Variants in ZFYVE26 observed in about 807,000 individuals in gnomAD.
ZFYVE26 encodes the protein zinc finger FYVE-type containing 26.
A neutral mutation model predicts 276.5 loss-of-function variants in ZFYVE26; 181 were observed. The observed-to-expected ratio is 0.65, with a 90% CI of 0.58 to 0.74. The LOEUF (loss-of-function observed/expected upper bound fraction) is 0.74, where lower values mean the gene tolerates loss of function less well. ZFYVE26 is among the 30% of genes least tolerant of loss of function. The pLI is 0.00. For synonymous variants in ZFYVE26, 1,129 were observed against 1,203.1 expected (o/e 0.94, Z 1.27); for missense variants, 2,821 against 3,097.9 (o/e 0.91, Z 2.12).
intron 13 of ZFYVE26, chr14:67,734,039 G>C (rs2038321400): frequency 3.8e-6 from 2 of 525,966 alleles, no homozygotes; most frequent in Non-Finnish European, 7.2e-6. Flanking sequence ...TATGGCATGA[G>C]TTGTGGACAC....
intron 13 of ZFYVE26, chr14:67,735,205 C>G (rs2038337742): frequency 1.4e-6 from 2 of 1,456,064 alleles, no homozygotes; most frequent in Admixed American, 1.7e-5. Context: ...ATTCCAGACT[C>G]CATCATTTCT....
chr14:67,760,682 C>T (rs1461561279), intron 35 of ZFYVE26: 1 of 160,108 alleles, frequency 6.2e-6, no homozygotes, highest in Non-Finnish European at 1.4e-5. Context: ...GAGCTGTGAT[C>T]ATGCCACTGC....
In ZFYVE26 at chr14:67,807,421, G is replaced by T. The variant is rs369243775; in HGVS notation, c.863C>A (p.Pro288Gln). The change falls in exon 5 of 42, where the codon CCG becomes CAG. Residue 288 changes from proline to glutamine, a missense_variant. Physicochemically the swap from Pro to Gln is moderately conservative, Grantham distance 76 (BLOSUM62 -1). Coordinates refer to ENST00000347230, the MANE Select transcript of ZFYVE26 (RefSeq NM_015346.4). ...ACCTTTTCCCGAGGCTGTAGCCCTC[G>T]GTGGCTTTTCTGTGACCTTCTCTGC... is the stretch of plus-strand genomic sequence containing the variant. ...TYAEKVTEKP[P>Q]RATASGKVSP... 1.2e-6 allele frequency: 2 copies of T among 1,614,038 alleles called. No homozygotes were observed. The highest frequency in any genetic ancestry group is 1.7e-6 in the Non-Finnish European group (2 of 1,180,030).
intron 10 of ZFYVE26, among the ~76,000 whole-genome samples, chr14:67,801,467 A>G (rs2040077282): frequency 6.6e-6 from 1 of 152,196 alleles, no homozygotes; most frequent in African/African-American, 2.4e-5. Context: ...GAAATCCTTA[A>G]TAGGCAAAAA....
intron 8 of ZFYVE26, among the ~76,000 whole-genome samples, chr14:67,804,875 G>A (rs530988217): frequency 8.5e-5 from 13 of 152,266 alleles, no homozygotes; most frequent in Middle Eastern, 3.4e-3. Context: ...GATAATATTG[G>A]TATCTACCCA....
chr14:67,775,442 G>A (rs1207940545), intron 26 of ZFYVE26, among the ~76,000 whole-genome samples: 1 of 152,174 alleles, frequency 6.6e-6, no homozygotes, highest in Non-Finnish European at 1.5e-5. Flanking sequence ...AGCTGGCTGG[G>A]AACATCAGTC....
intron 13 of ZFYVE26, among the ~76,000 whole-genome samples, chr14:67,738,359 ATATACT>A (rs35686221): frequency 0.075 from 11,069 of 148,272 alleles, 1,278 homozygotes; most frequent in African/African-American, 0.25. Context: ...ATATATACTA[ATATACT>A]TATAAATATA....
chr14:67,772,016 G>A (rs1319512464), intron 28 of ZFYVE26, 31 bp downstream of exon 28: 19 of 1,607,218 alleles, frequency 1.2e-5, no homozygotes, highest in Non-Finnish European at 1.5e-5. Context: ...ACCTTCTCCT[G>A]AGGGTGACAG....
rs751183425 is a variant in ZFYVE26 at position 67,766,358 on chromosome 14, C to T, written c.5880G>A (p.Arg1960=). The T allele has an allele frequency of 1.2e-6, 2 of 1,613,158 alleles. No homozygotes were observed. Among genetic ancestry groups the T allele is most frequent in the East Asian group, 2.2e-5 (1 of 44,882 alleles). The change falls in exon 32 of 42, where the codon AGG becomes AGA. Residue 1960 remains arginine, a synonymous_variant. Transcript: ENST00000347230. ...CGHQLIEHCC[R]LSKGLTNPEV... is the part of the protein sequence containing the mutation. ...CTGGGTTGGTGAGGCCCTTGGAGAG[C>T]CTGCAGCAGTGCTCAATCAGCTGGT...
intron 12 of ZFYVE26, among the ~76,000 whole-genome samples, chr14:67,795,182 T>C (rs1566891203): frequency 6.6e-6 from 1 of 152,226 alleles, no homozygotes; most frequent in Non-Finnish European, 1.5e-5. Context: ...GGAACAGCCG[T>C]AGAAGAGATG....
downstream of ZFYVE26, chr14:67,746,429 A>G (rs1408639605): frequency 2.6e-5 from 3 of 114,024 alleles, no homozygotes; most frequent in Admixed American, 1.0e-4. Context: ...ATTGAAGGCC[A>G]TCTGATCTTC....
rs139273817 is a variant in ZFYVE26 at position 67,792,644 on chromosome 14, G to T, written c.2553+964C>A. 1.9e-4 allele frequency among the ~76,000 whole-genome samples: 29 copies of T among 152,282 alleles called. No homozygotes were observed. The East Asian group carries it at 5.0e-3, about 26-fold the overall frequency. On this transcript the variant is annotated intron_variant, in intron 14 of 41. Transcript: ENST00000347230. ...TTTATAATTGAGACTGGGCGCAATG[G>T]CTCATGCCTGTAATCCCAGCATTTT...
chr14:67,795,710 C>A (rs754295208), intron 12 of ZFYVE26, among the ~76,000 whole-genome samples: 4 of 151,978 alleles, frequency 2.6e-5, no homozygotes, highest in Non-Finnish European at 5.9e-5. Context: ...CTGCATAATG[C>A]GCCTATATTA....
At chr14:67,797,891 G>A in intron 11 of ZFYVE26, 123 bp downstream of exon 11, 1 of 1,581,660 alleles carries the variant, frequency 6.3e-7, no homozygotes, top group Non-Finnish European at 8.6e-7. Context: ...GACACTGGTT[G>A]CCATGGTGAC....
In ZFYVE26 at chr14:67,762,298, G is replaced by A. The variant is rs1456954767; in HGVS notation, c.6274C>T (p.Pro2092Ser). ...TTCAGCTGATTGAGGTCAAATGGGGGCTTCAGACAGCGACTGAACTTCTCC... is the reference window on the plus strand; with the variant it reads ...TTCAGCTGATTGAGGTCAAATGGGGACTTCAGACAGCGACTGAACTTCTCC... ...AREKFSRCLK[P>S]PFDLNQLNHG... Residue 2092 changes from proline (P) to serine (S), a missense_variant, in exon 34 of 42, where the codon CCC (proline) becomes TCC (serine). Transcript: ENST00000347230. 7 of 1,614,184 alleles carry A rather than the reference G, an allele frequency of 4.3e-6. No homozygotes were observed. Among genetic ancestry groups the A allele is most frequent in the Non-Finnish European group, 5.1e-6 (6 of 1,180,032 alleles).
At chr14:67,777,343 G>A (rs1204105155) in intron 25 of ZFYVE26, among the ~76,000 whole-genome samples, 1 of 152,218 alleles carries the variant, frequency 6.6e-6, no homozygotes, top group Non-Finnish European at 1.5e-5. Context: ...CAAGTCCTAG[G>A]AGACTCAACT....
At position 67,754,094 on chromosome 14, in the gene ZFYVE26, T is replaced by C. The variant is rs2140183025; in HGVS notation, c.7105A>G (p.Met2369Val). 6.2e-6 allele frequency: 10 copies of C among 1,614,204 alleles called. No homozygotes were observed. The highest frequency in any genetic ancestry group is 8.5e-6 in the Non-Finnish European group (10 of 1,180,018). The stretch of plus-strand genomic sequence containing the variant: ...ACCTTGCAGGCAACATCCATTTTCA[T>C]GTGGTTATTTCCAAACAGGGTTGGC... The part of the protein sequence containing the change: ...PLPTLFGNNH[M>V]KMDVACKVML... Residue 2369 changes from methionine (M) to valine (V), a missense_variant, in exon 38 of 42, where the codon ATG (methionine) becomes GTG (valine). Physicochemically the swap from Met to Val is conservative, Grantham distance 21 (BLOSUM62 1). Coordinates refer to ENST00000347230, the MANE Select transcript of ZFYVE26 (RefSeq NM_015346.4).
In ZFYVE26 at chr14:67,798,367, C is replaced by A. The variant is rs367642159; in HGVS notation, c.1895G>T (p.Arg632Leu). Residue 632 changes from arginine to leucine, a missense_variant, in exon 11 of 42, where the codon CGG becomes CTG. Coordinates refer to ENST00000347230, the MANE Select transcript of ZFYVE26 (RefSeq NM_015346.4). ...HIAHPERKSERGSLGVPKTLA... is the reference protein window; with the variant it reads ...HIAHPERKSELGSLGVPKTLA... ...GGTCTTTGGGACTCCCAGGGAACCC[C>A]GTTCTGACTTCCTTTCAGGATGTGC... 1.2e-6 allele frequency: 2 copies of A among 1,609,664 alleles called. No homozygotes were observed. Among genetic ancestry groups the A allele is most frequent in the Non-Finnish European group, 1.7e-6 (2 of 1,177,394 alleles).
At chr14:67,771,080 A>G (rs188704296) in intron 28 of ZFYVE26, among the ~76,000 whole-genome samples, 3 of 152,242 alleles carry the variant, frequency 2.0e-5, no homozygotes, top group Admixed American at 2.0e-4. Context: ...CTGGGTAGTA[A>G]GCATGGTACC....
Sources: allele counts gnomAD v4.1 joint callset (sites outside exome capture counted in the v4.1 genomes callset), GRCh38; gene constraint gnomAD v4.1.1; transcripts MANE v1.5; gene names NCBI Gene and HGNC (gene_info 2026-07-23, HGNC 2026-07-21).